ATPAF1: variants seen among roughly 807,000 people sequenced by gnomAD.
The protein encoded by ATPAF1 is homolog of yeast ATP11.
A neutral mutation model predicts 43.9 loss-of-function variants in ATPAF1; 26 were observed. That is an observed-to-expected ratio of 0.59 (90% CI 0.43 to 0.82). The LOEUF is 0.82. Ranked by LOEUF, ATPAF1 falls within the 40% of genes least tolerant of loss-of-function variation. The probability of loss-of-function intolerance (pLI) is 0.00; values close to 1 mark genes in which losing one functional copy is unlikely to be tolerated. For synonymous variants in ATPAF1, 157 were observed against 168.0 expected, an observed-to-expected ratio of 0.93 and a Z score of 0.50; for missense variants, 366 against 435.0, an observed-to-expected ratio of 0.84 and a Z score of 1.41.
In ATPAF1 at chr1:46,668,108, T is replaced by C; in HGVS notation, c.215A>G (p.Gln72Arg). Reference sequence around the variant, plus strand: ...GTAGCGGTCGTAGAAAGGGTTGGCCTGGAGCTCGGCCTCGGCCCCGACCCC... The same window carrying C: ...GTAGCGGTCGTAGAAAGGGTTGGCCCGGAGCTCGGCCTCGGCCCCGACCCC... The change falls in exon 1 of 9, where the codon CAG (glutamine) becomes CGG (arginine). Residue 72 changes from glutamine to arginine, a missense_variant. By Grantham distance (43) the Gln-to-Arg change is conservative. This residue lies in a region of ATPAF1 where 186 missense variants were observed against 168.5 expected (regional missense o/e 1.10). Coordinates refer to ENST00000574428, the Ensembl canonical transcript of ATPAF1. This position sits in a 1 kb window ranked among gnomAD's most constrained non-coding sequence, Gnocchi z 4.4. The C allele has an allele frequency of 6.9e-7, 1 of 1,448,134 alleles. No individual in the cohort carries two copies. Among genetic ancestry groups the C allele is most frequent in the Non-Finnish European group, 9.1e-7 (1 of 1,098,358 alleles). 89.7% of individuals were successfully genotyped at this position (1,448,134 alleles called of 1,614,324 possible).
At chr1:46,665,226 G>A (rs1676468353) in intron 2 of ATPAF1, 30 bp downstream of exon 2, 1 of 1,608,964 alleles carries the variant, frequency 6.2e-7, no homozygotes. Flanking sequence ...GTGCTGGTAA[G>A]CAAACACCAC....
At chr1:46,644,853 T>C (rs1182582442) in intron 7 of ATPAF1, among the ~76,000 whole-genome samples, 2 of 152,206 alleles carry the variant, frequency 1.3e-5, no homozygotes, top group Non-Finnish European at 2.9e-5. Context: ...GTTAAAAAGA[T>C]AGCCATCATA....
At chr1:46,648,532 G>A (rs1057508028) in intron 6 of ATPAF1, among the ~76,000 whole-genome samples, 3 of 152,102 alleles carry the variant, frequency 2.0e-5, no homozygotes, top group Admixed American at 6.5e-5. Flanking sequence ...GGGACAACAG[G>A]TGCTTGAAAA....
chr1:46,661,893 CTTTCTTTTTT>C (rs1676394637), intron 2 of ATPAF1, among the ~76,000 whole-genome samples: 1 of 140,446 alleles, frequency 7.1e-6, no homozygotes, highest in African/African-American at 2.6e-5. Context: ...AGCTAAATTT[CTTTCTTTTTT>C]TTTTTTTTTA....
intron 2 of ATPAF1, among the ~76,000 whole-genome samples, chr1:46,661,266 G>A (rs1365913138): frequency 3.3e-5 from 5 of 152,056 alleles, no homozygotes; most frequent in South Asian, 2.1e-4. Context: ...TAGTAGAGAC[G>A]GGGTTTCACC....
chr1:46,643,467 C>G (rs557227530), intron 7 of ATPAF1, among the ~76,000 whole-genome samples, 166 bp from the exon 8 acceptor site: 6 of 152,308 alleles, frequency 3.9e-5, no homozygotes, highest in Admixed American at 6.5e-5. Context: ...TGCAAAGGCA[C>G]AGTGAAACTG....
intron 7 of ATPAF1, 124 bp downstream of exon 7, chr1:46,645,037 C>G: frequency 1.3e-6 from 1 of 773,366 alleles, no homozygotes; most frequent in East Asian, 2.5e-5. Context: ...GACAATTCAT[C>G]TGCGCCACAA....
In ATPAF1 at chr1:46,668,296, C is replaced by T; in HGVS notation, c.27G>A (p.Ala9=). The stretch of plus-strand genomic sequence containing the variant: ...GCAGGACCGCCGGTCCCGCGCCACC[C>T]GCAGCCGCCACCACCACAGCAGCCA... The change falls in exon 1 of 9, where the codon GCG becomes GCA. Residue 9 remains alanine, a synonymous_variant. Transcript: ENST00000574428. This position sits in a 1 kb window ranked among gnomAD's most constrained non-coding sequence, Gnocchi z 4.4. 1.4e-6 allele frequency: 2 copies of T among 1,380,266 alleles called. No homozygotes were observed. Among genetic ancestry groups the T allele is most frequent in the East Asian group, 3.3e-5 (1 of 30,700 alleles). The allele number at this position is 1,380,266 out of a possible 1,614,324, so 85.5% of individuals were successfully genotyped here.
At chr1:46,651,074 G>A (rs1676158322) in intron 6 of ATPAF1, among the ~76,000 whole-genome samples, 2 of 151,998 alleles carry the variant, frequency 1.3e-5, no homozygotes, top group Admixed American at 6.6e-5. Flanking sequence ...ATGTATACAT[G>A]TGCCATGCTA....
rs572685148 is a variant in ATPAF1, at chr1:46,668,333, G to GCCT, written c.-14_-12dup. 1,301 of 1,353,960 alleles carry GCCT rather than the reference G, an allele frequency of 9.6e-4. 9 individuals carry two copies. In the African/African-American group the frequency reaches 0.015, roughly 15 times the overall value. The allele number at this position is 1,353,960 out of a possible 1,614,324, so 83.9% of individuals were successfully genotyped here. On this transcript the variant is annotated 5_prime_UTR_variant, in exon 1 of 9. Transcript: ENST00000574428. This position sits in a 1 kb window ranked among gnomAD's most constrained non-coding sequence, Gnocchi z 4.4. Reference sequence around the variant, plus strand: ...CACCACAGCAGCCATGGCCGCCCCCGCCTCCTCCTCCTCCTCAGGCGCGTC... The same window carrying GCCT: ...CACCACAGCAGCCATGGCCGCCCCCGCCTCCTCCTCCTCCTCCTCAGGCGCGTC...
chr1:46,645,975 G>A (rs762475575), intron 6 of ATPAF1, among the ~76,000 whole-genome samples: 40 of 152,230 alleles, frequency 2.6e-4, no homozygotes, highest in Non-Finnish European at 5.4e-4. Flanking sequence ...AGGAGTTTGA[G>A]GCCAACCTGG....
chr1:46,665,403 T>C (rs1265937228), intron 1 of ATPAF1, 39 bp from the exon 2 acceptor site: 3 of 1,580,218 alleles, frequency 1.9e-6, no homozygotes, highest in Non-Finnish European at 2.6e-6. Flanking sequence ...CAACTGGGCC[T>C]TTTTGAATTC....
At chr1:46,650,550 T>C (rs1377274703) in intron 6 of ATPAF1, among the ~76,000 whole-genome samples, 1 of 152,196 alleles carries the variant, frequency 6.6e-6, no homozygotes, top group Non-Finnish European at 1.5e-5. Flanking sequence ...GAAATTAGTA[T>C]GTTGAAGAGA....
chr1:46,663,089 A>G (rs995979818), intron 2 of ATPAF1, among the ~76,000 whole-genome samples: 1 of 152,192 alleles, frequency 6.6e-6, no homozygotes, highest in African/African-American at 2.4e-5. Context: ...AGCTTCATCC[A>G]TGTCCCTACA....
In ATPAF1 at chr1:46,643,118, T is replaced by G. The variant is rs980547715; in HGVS notation, c.792+76A>C. On this transcript the variant is annotated intron_variant, in intron 8 of 8. Coordinates refer to ENST00000574428, the Ensembl canonical transcript of ATPAF1. Reference sequence around the variant, plus strand: ...ATGTAGCTCTTTGAAATTTTCTCTCTCATGAGCTTTGGCAGAAGAGTAATA... The same window carrying G: ...ATGTAGCTCTTTGAAATTTTCTCTCGCATGAGCTTTGGCAGAAGAGTAATA... 3 of 1,217,362 alleles carry G rather than the reference T, an allele frequency of 2.5e-6. No homozygotes were observed. The African/African-American group carries it at 4.5e-5, about 18-fold the overall frequency. The allele number at this position is 1,217,362 out of a possible 1,614,324, so 75.4% of individuals were successfully genotyped here.
intron 8 of ATPAF1, among the ~76,000 whole-genome samples, chr1:46,638,002 C>T (rs1381963998): frequency 1.3e-5 from 2 of 152,166 alleles, no homozygotes; most frequent in Non-Finnish European, 2.9e-5. Context: ...CTACTTCATC[C>T]ATTTTACCTT....
intron 1 of ATPAF1, chr1:46,666,224 G>T: frequency 4.9e-6 from 1 of 205,542 alleles, no homozygotes; most frequent in Admixed American, 4.6e-5. Context: ...TCCCTTCACT[G>T]TCATGTAGAT....
intron 6 of ATPAF1, 80 bp downstream of exon 6, chr1:46,652,501 T>C (rs1006103067): frequency 1.4e-6 from 2 of 1,400,302 alleles, no homozygotes; most frequent in Non-Finnish European, 2.0e-6. Context: ...TGAGACAGTA[T>C]GGAATATGAC....
intron 6 of ATPAF1, 37 bp from the exon 7 acceptor site, chr1:46,645,293 A>T (rs1175492708): frequency 6.7e-7 from 1 of 1,493,078 alleles, no homozygotes; most frequent in East Asian, 2.3e-5. Flanking sequence ...CAGATGAATA[A>T]ATGAAATTAT....
Sources: gnomAD v4.1 joint callset for allele counts (sites outside exome capture counted in the v4.1 genomes callset) on GRCh38, gnomAD v4.1.1 for gene constraint, gnomAD v4.1.1 regional missense constraint, Gnocchi (gnomAD v3.1) non-coding constraint, MANE v1.5 for transcripts, NCBI Gene and HGNC (gene_info 2026-07-23, HGNC 2026-07-21) for gene names.